The following OTC variants were observed in gnomAD, a reference collection of about 807,000 sequenced individuals.
OTC encodes ornithine transcarbamylase.
Under a neutral mutation model 30.3 loss-of-function variants are expected in OTC, and 3 were observed. The observed-to-expected ratio is 0.10, with a 90% CI of 0.05 to 0.26. The LOEUF is 0.26. Among genes scored for constraint, OTC ranks in the 10% least tolerant of loss-of-function variants. The pLI is 1.00. For synonymous variants in OTC, 111 were observed against 99.7 expected (o/e 1.11, Z -0.67); for missense variants, 194 against 260.3 (o/e 0.75, Z 1.75).
chrX:38,402,173 T>G (rs1326027698), intron 5 of OTC, among the ~76,000 whole-genome samples: 1 of 112,234 alleles, frequency 8.9e-6, no homozygotes, highest in Non-Finnish European at 1.9e-5. Flanking sequence ...AATAAAACAC[T>G]TTGGACATGA....
intron 9 of OTC, among the ~76,000 whole-genome samples, chrX:38,416,545 T>C (rs1025634196): frequency 8.9e-6 from 1 of 111,964 alleles, no homozygotes; most frequent in Non-Finnish European, 1.9e-5. Context: ...GACTCTTAAG[T>C]CCAAAACACC....
the OTC span, among the ~76,000 whole-genome samples, chrX:38,333,321 T>C: frequency 9.0e-6 from 1 of 111,210 alleles, no homozygotes; most frequent in African/African-American, 3.3e-5. Flanking sequence ...TGTGCCTCTG[T>C]GCACTGCAGA....
rs747637190 is a variant in OTC at position 38,408,800 on chromosome X, G to A, written c.717+5G>A. 4.2e-6 allele frequency: 5 copies of A among 1,199,227 alleles called. No homozygotes were observed. The Admixed American group carries it at 6.6e-5, about 16-fold the overall frequency. ...GCAGAGCAGTATGCCAAAGAGGTAT[G>A]CTCTTTACATGTAAAGCTATTATTG... is the stretch of plus-strand genomic sequence containing the variant. On this transcript the variant is annotated splice_donor_5th_base_variant and intron_variant, in intron 7 of 9. Coordinates refer to ENST00000039007, the MANE Select transcript of OTC (RefSeq NM_000531.6).
chrX:38,400,217 G>A (rs2068478400), intron 4 of OTC, among the ~76,000 whole-genome samples: 1 of 111,102 alleles, frequency 9.0e-6, no homozygotes, highest in Non-Finnish European at 1.9e-5. Context: ...AATCTTGCTG[G>A]TTCATGAAAT....
In OTC at chrX:38,361,123, G is replaced by A. The variant is rs181025555; in HGVS notation, c.78-6168G>A. On this transcript the variant is annotated intron_variant, in intron 1 of 9. Coordinates refer to ENST00000039007, the MANE Select transcript of OTC (RefSeq NM_000531.6). ...GTTCAAGACCAGCCTGGTCAACATGGTGAAACTCCATTTCTACTAAAAAAC... is the reference window on the plus strand; with the variant it reads ...GTTCAAGACCAGCCTGGTCAACATGATGAAACTCCATTTCTACTAAAAAAC... Among the ~76,000 whole-genome samples the A allele has an allele frequency of 6.0e-3, 670 of 111,516 alleles. 3 individuals are homozygous for A. The highest frequency in any genetic ancestry group is 0.021 in the African/African-American group (635 of 30,700).
intron 4 of OTC, among the ~76,000 whole-genome samples, chrX:38,397,142 C>T (rs1047954692): frequency 1.9e-4 from 21 of 112,073 alleles, no homozygotes. Context: ...AATAAATTTA[C>T]ATGTACATAA....
chrX:38,339,146 C>T, the OTC span, among the ~76,000 whole-genome samples: 3 of 112,178 alleles, frequency 2.7e-5, no homozygotes, highest in Non-Finnish European at 3.8e-5. Context: ...TTTTCTATTT[C>T]TCACTTCAAC....
rs1363470751 is a variant in OTC at position 38,421,142 on chromosome X, T to TG, written c.*64dup. Reference sequence around the variant, plus strand: ...TTCAGTAACAGAATGAGTTGGTTTATGGGGAAAAGAGAAGAGAATCTAAAA... The same window carrying TG: ...TTCAGTAACAGAATGAGTTGGTTTATGGGGGAAAAGAGAAGAGAATCTAAAA... On this transcript the variant is annotated 3_prime_UTR_variant, in exon 10 of 10. Coordinates refer to ENST00000039007, the MANE Select transcript of OTC (RefSeq NM_000531.6). 6.5e-5 allele frequency: 53 copies of TG among 812,996 alleles called. No homozygotes were observed. The highest frequency in any genetic ancestry group is 5.4e-5 in the Non-Finnish European group (29 of 534,582). 67.0% of individuals were successfully genotyped at this position (812,996 alleles called of 1,213,427 possible).
rs72554315 is a variant in OTC at position 38,367,356 on chromosome X, T to C, written c.143T>C (p.Phe48Ser). ...KGRDLLTLKN[F>S]TGEEIKYMLW... The stretch of plus-strand genomic sequence containing the variant: ...CGTGACCTTCTCACTCTAAAAAACT[T>C]TACCGGAGAAGAAATTAAATATATG... Residue 48 changes from phenylalanine to serine, a missense_variant, in exon 2 of 10, where the codon TTT becomes TCT. Phe to Ser is a radical substitution (Grantham distance 155). Coordinates refer to ENST00000039007, the MANE Select transcript of OTC (RefSeq NM_000531.6). 8.3e-7 allele frequency: 1 copy of C among 1,201,990 alleles called. No homozygotes were observed.
chrX:38,367,222 A>G lies in OTC; in HGVS notation c.78-69A>G. 4.2e-6 allele frequency: 4 copies of G among 941,547 alleles called. No individual in the cohort carries two copies. The Admixed American group carries it at 7.4e-5, about 17-fold the overall frequency. The allele number at this position is 941,547 out of a possible 1,213,427, so 77.6% of individuals were successfully genotyped here. ...AAGAATGCCTTATCAACAGTAAAACAATGAATCACCATAGTACATGGGTCT... is the reference window on the plus strand; with the variant it reads ...AAGAATGCCTTATCAACAGTAAAACGATGAATCACCATAGTACATGGGTCT... On this transcript the variant is annotated intron_variant, in intron 1 of 9. Transcript: ENST00000039007.
intron 4 of OTC, among the ~76,000 whole-genome samples, chrX:38,383,798 C>CAAAAG (rs2068388565): frequency 4.9e-5 from 4 of 81,175 alleles, no homozygotes; most frequent in African/African-American, 9.9e-5. Context: ...AACTCCATCT[C>CAAAAG]AAAAGAAAAG....
At position 38,381,338 on chromosome X, in the gene OTC, G is replaced by A; in HGVS notation, c.299-4G>A. 1 of 1,117,644 alleles carries A rather than the reference G, an allele frequency of 8.9e-7. No homozygotes were observed. Among genetic ancestry groups the A allele is most frequent in the African/African-American group, 1.9e-5 (1 of 53,511 alleles). 92.1% of individuals were successfully genotyped at this position (1,117,644 alleles called of 1,213,427 possible). ...ATGATTTTTTTCTTTTTTTTTTATT[G>A]TAGGCTTTGCACTTCTGGGAGGACA... On this transcript the variant is annotated splice_polypyrimidine_tract_variant and splice_region_variant and intron_variant, in intron 3 of 9. Transcript: ENST00000039007.
intron 4 of OTC, among the ~76,000 whole-genome samples, chrX:38,394,448 T>C (rs1257722084): frequency 8.9e-6 from 1 of 112,238 alleles, no homozygotes. Flanking sequence ...TATAACTTTC[T>C]ATAGATGATG....
chrX:38,410,235 A>G (rs2068536224), intron 8 of OTC, among the ~76,000 whole-genome samples: 1 of 111,886 alleles, frequency 8.9e-6, no homozygotes, highest in Non-Finnish European at 1.9e-5. Context: ...AAATGCTGCA[A>G]TGAACTTGCT....
chrX:38,334,231 G>A, the OTC span, among the ~76,000 whole-genome samples: 10 of 110,988 alleles, frequency 9.0e-5, no homozygotes, highest in East Asian at 1.1e-3. Flanking sequence ...TTAAATTCCC[G>A]TATTACAGAA....
rs2068447327 is a variant in OTC at position 38,394,907 on chromosome X, G to T, written c.387-6368G>T. ...AAAGTAGTTTCTGGGGGGGGGCAGG[G>T]CAGAGGTAAGAAGTAATTGGTACGT... On this transcript the variant is annotated intron_variant, in intron 4 of 9. Coordinates refer to ENST00000039007, the MANE Select transcript of OTC (RefSeq NM_000531.6). 3.6e-5 allele frequency among the ~76,000 whole-genome samples: 4 copies of T among 110,951 alleles called. No individual in the cohort carries two copies. The Admixed American group carries it at 3.9e-4, about 11-fold the overall frequency.
chrX:38,358,108 G>A (rs914658045), intron 1 of OTC, among the ~76,000 whole-genome samples: 1 of 111,041 alleles, frequency 9.0e-6, no homozygotes, highest in Non-Finnish European at 1.9e-5. Context: ...TAATGCATTT[G>A]GCCCTGGTTC....
intron 9 of OTC, among the ~76,000 whole-genome samples, chrX:38,417,439 G>A (rs2068575261): frequency 9.0e-6 from 1 of 111,329 alleles, no homozygotes; most frequent in African/African-American, 3.3e-5. Flanking sequence ...GATTCAATGA[G>A]ATCAGAGTCA....
intron 9 of OTC, among the ~76,000 whole-genome samples, chrX:38,419,523 A>G (rs753740437): frequency 8.9e-6 from 1 of 111,876 alleles, no homozygotes; most frequent in South Asian, 3.7e-4. Context: ...AGTGTTTTAT[A>G]GTTTTCAGTA....
Sources: gnomAD v4.1 joint callset for allele counts (sites outside exome capture counted in the v4.1 genomes callset) on GRCh38, gnomAD v4.1.1 for gene constraint, MANE v1.5 for transcripts, NCBI Gene and HGNC (gene_info 2026-07-23, HGNC 2026-07-21) for gene names.